FRMD6: variants seen among roughly 807,000 people sequenced by gnomAD.
FRMD6 encodes FERM domain containing 6.
In FRMD6, 37 loss-of-function variants were observed where a neutral mutation model predicts 73.2. The ratio of observed to expected loss-of-function variants is 0.51; its 90% confidence interval spans 0.39 to 0.66. The LOEUF is 0.66. Among genes scored for constraint, FRMD6 ranks in the 30% least tolerant of loss-of-function variants. The pLI is 0.00. For synonymous variants in FRMD6, 273 were observed against 282.2 expected (o/e 0.97, Z 0.33); for missense variants, 714 against 780.5 (o/e 0.91, Z 1.02).
At chr14:51,564,910 A>C (rs778089632) in intron 1 of FRMD6, among the ~76,000 whole-genome samples, 13 of 152,262 alleles carry the variant, frequency 8.5e-5, no homozygotes, top group Non-Finnish European at 1.0e-4. Flanking sequence ...AATCAAAAAC[A>C]CAGGGAAGTG....
At chr14:51,671,980 C>G (rs1894041964) in intron 1 of FRMD6, among the ~76,000 whole-genome samples, 1 of 152,110 alleles carries the variant, frequency 6.6e-6, no homozygotes, top group South Asian at 2.1e-4. Context: ...AACCATTGTG[C>G]CCAAATCAGC....
chr14:51,636,409 G>A (rs1408370958), intron 2 of FRMD6, among the ~76,000 whole-genome samples: 1 of 152,166 alleles, frequency 6.6e-6, no homozygotes, highest in African/African-American at 2.4e-5. Context: ...GGAGATCACT[G>A]CCTGACTGTT....
intron 1 of FRMD6, among the ~76,000 whole-genome samples, chr14:51,507,981 T>C (rs905483302): frequency 6.6e-6 from 1 of 152,148 alleles, no homozygotes; most frequent in Non-Finnish European, 1.5e-5. Flanking sequence ...GCATGATCCC[T>C]TACCTGATTG....
intron 1 of FRMD6, among the ~76,000 whole-genome samples, chr14:51,670,620 G>A (rs535393784): frequency 6.6e-6 from 1 of 150,578 alleles, no homozygotes; most frequent in South Asian, 2.1e-4. Flanking sequence ...TCCTATTAAT[G>A]TACATTTTTA....
At chr14:51,529,167 A>G (rs1046881045) in intron 1 of FRMD6, among the ~76,000 whole-genome samples, 1 of 152,198 alleles carries the variant, frequency 6.6e-6, no homozygotes, top group Admixed American at 6.5e-5. Context: ...TGGGGAAGAA[A>G]ACACTTTATA....
chr14:51,443,888 G>A, the FRMD6 span, among the ~76,000 whole-genome samples: 1 of 151,014 alleles, frequency 6.6e-6, no homozygotes, highest in Non-Finnish European at 1.5e-5. Flanking sequence ...ATGTATACAT[G>A]CATATTTGGG....
chr14:51,558,157 T>G (rs925471591), intron 1 of FRMD6, among the ~76,000 whole-genome samples: 4 of 152,174 alleles, frequency 2.6e-5, no homozygotes, highest in Non-Finnish European at 5.9e-5. Context: ...TTTTCATTTT[T>G]TAATAAATAC....
intron 2 of FRMD6, among the ~76,000 whole-genome samples, chr14:51,577,483 GT>G (rs910054411): frequency 1.3e-5 from 2 of 152,210 alleles, no homozygotes; most frequent in Non-Finnish European, 2.9e-5. Context: ...CCTATGCTAA[GT>G]ATACAGCCTT....
chr14:51,486,770 T>C (rs1882769174), upstream of FRMD6, among the ~76,000 whole-genome samples: 1 of 152,162 alleles, frequency 6.6e-6, no homozygotes, highest in South Asian at 2.1e-4. Context: ...CCAGTCATTC[T>C]CTCTTTTGTC....
At chr14:51,591,151 C>T (rs2139730884) in intron 2 of FRMD6, among the ~76,000 whole-genome samples, 1 of 152,186 alleles carries the variant, frequency 6.6e-6, no homozygotes, top group South Asian at 2.1e-4. Flanking sequence ...GGTGAGAATC[C>T]ATCATGTTGA....
intron 2 of FRMD6, among the ~76,000 whole-genome samples, chr14:51,613,980 A>G (rs1890614094): frequency 6.6e-6 from 1 of 152,148 alleles, no homozygotes; most frequent in Non-Finnish European, 1.5e-5. Context: ...TCCAGTGTGA[A>G]TTTCACACGT....
At chr14:51,672,908 G>A (rs1478561919) in intron 1 of FRMD6, among the ~76,000 whole-genome samples, 1 of 152,178 alleles carries the variant, frequency 6.6e-6, no homozygotes. Flanking sequence ...GAGGATAAGT[G>A]TAGATAAGTT....
At chr14:51,544,410 A>T (rs1467728989) in intron 1 of FRMD6, among the ~76,000 whole-genome samples, 2 of 152,104 alleles carry the variant, frequency 1.3e-5, no homozygotes, top group East Asian at 1.9e-4. Context: ...CATACAAAAT[A>T]TACAGTTCTC....
the FRMD6 span, among the ~76,000 whole-genome samples, chr14:51,464,183 A>C: frequency 6.6e-6 from 1 of 152,218 alleles, no homozygotes; most frequent in Non-Finnish European, 1.5e-5. Context: ...AAGATAGTGA[A>C]GGAATAAAAT....
chr14:51,549,873 G>A (rs935318380), intron 1 of FRMD6, among the ~76,000 whole-genome samples: 2 of 152,166 alleles, frequency 1.3e-5, no homozygotes, highest in African/African-American at 4.8e-5. Context: ...GGGATTACAG[G>A]CGTGGGCCAC....
At chr14:51,469,242 A>G in the FRMD6 span, among the ~76,000 whole-genome samples, 1 of 150,288 alleles carries the variant, frequency 6.7e-6, no homozygotes, top group African/African-American at 2.4e-5. Context: ...CCCAGCCTAC[A>G]TTTGTTTTTT....
chr14:51,610,309 T>A (rs1337066681), intron 2 of FRMD6, among the ~76,000 whole-genome samples: 2 of 143,970 alleles, frequency 1.4e-5, no homozygotes, highest in Non-Finnish European at 3.0e-5. Flanking sequence ...ATAGGTCCCA[T>A]CCTATTCTTT....
At chr14:51,711,492 TA>T in intron 7 of FRMD6, 38 bp from the exon 8 acceptor site, 2 of 1,380,580 alleles carry the variant, frequency 1.4e-6, no homozygotes, top group Non-Finnish European at 2.0e-6. Context: ...AAAAAATATA[TA>T]AAAACATTTA....
chr14:51,510,212 A>G (rs918532765), intron 1 of FRMD6, among the ~76,000 whole-genome samples: 2 of 152,204 alleles, frequency 1.3e-5, no homozygotes, highest in Non-Finnish European at 2.9e-5. Context: ...TTGGTGTGCA[A>G]TAACTCATTT....
Sources: allele counts gnomAD v4.1 joint callset (sites outside exome capture counted in the v4.1 genomes callset), GRCh38; gene constraint gnomAD v4.1.1; transcripts MANE v1.5; gene names NCBI Gene and HGNC (gene_info 2026-07-23, HGNC 2026-07-21).